Variants in MTSS2 observed in about 807,000 individuals in gnomAD.
The protein encoded by MTSS2 is protein MTSS 2.
A neutral mutation model predicts 67.1 loss-of-function variants in MTSS2; 27 were observed. The ratio of observed to expected loss-of-function variants is 0.40; its 90% confidence interval spans 0.30 to 0.55. The LOEUF is 0.55. MTSS2 is among the 20% of genes least tolerant of loss of function. MTSS2 has a pLI of 0.43. For synonymous variants in MTSS2, 624 were observed against 468.6 expected (o/e 1.33, Z -4.28); for missense variants, 1,171 against 1,067.8 (o/e 1.10, Z -1.35).
intron 3 of MTSS2, among the ~76,000 whole-genome samples, chr16:70,680,448 GC>G (rs148407908): frequency 0.019 from 2,853 of 152,324 alleles, 26 homozygotes; most frequent in South Asian, 0.039. Flanking sequence ...GCGGCGCCAA[GC>G]CCAACGGCGC....
intron 13 of MTSS2, 55 bp downstream of exon 13, chr16:70,664,865 T>G: frequency 6.6e-7 from 1 of 1,513,080 alleles, no homozygotes; most frequent in Non-Finnish European, 8.9e-7. Flanking sequence ...CTGAGGCCAC[T>G]GGCTGGGCCT....
At chr16:70,665,699 C>T (rs76368023) in intron 11 of MTSS2, 159 bp from the exon 12 acceptor site, 34,868 of 600,312 alleles carry the variant, frequency 0.058, 1,160 homozygotes, top group East Asian at 0.098. Flanking sequence ...GGGCCACGGC[C>T]GCTGAGTGTC....
chr16:70,674,590 G>C, intron 10 of MTSS2, 62 bp from the exon 11 acceptor site: 1 of 1,475,716 alleles, frequency 6.8e-7, no homozygotes, highest in South Asian at 1.2e-5. Flanking sequence ...TGTGTGTTTG[G>C]GGGAGGTTGA....
In MTSS2 at chr16:70,661,297, T is replaced by TGGAG. The variant is rs2151894178; in HGVS notation, c.*2376_*2379dup. The TGGAG allele has an allele frequency of 2.3e-6, 1 of 430,034 alleles. No homozygotes were observed. The highest frequency in any genetic ancestry group is 2.4e-5 in the African/African-American group (1 of 42,374). The allele number at this position is 430,034 out of a possible 1,614,324, so 26.6% of individuals were successfully genotyped here. ...TATATTTAAATCGGGGAGGATGGTGTGGAGGGGGCGGGGAGGAGAGGAGAA... is the reference window on the plus strand; with the variant it reads ...TATATTTAAATCGGGGAGGATGGTGTGGAGGGAGGGGGCGGGGAGGAGAGGAGAA... On this transcript the variant is annotated 3_prime_UTR_variant, in exon 15 of 15. Coordinates refer to ENST00000338779, the MANE Select transcript of MTSS2 (RefSeq NM_138383.3).
intron 1 of MTSS2, among the ~76,000 whole-genome samples, chr16:70,682,912 C>T (rs1006207152): frequency 2.0e-5 from 3 of 151,510 alleles, no homozygotes; most frequent in Admixed American, 6.5e-5. Context: ...CACAGGGTGG[C>T]GGGGTCAGGA....
Position 70,672,582 on chromosome 16 carries a change from T to C in MTSS2, c.1053+1724A>G, listed in dbSNP as rs1266235407. ...TTCTGGGAAGAGTATATGGGAACTC[T>C]ACATATTTTACAACTTTTCTACAAG... On this transcript the variant is annotated intron_variant, in intron 11 of 14. Transcript: ENST00000338779. Among the ~76,000 whole-genome samples the C allele has an allele frequency of 2.0e-5, 3 of 149,680 alleles. No homozygotes were observed. In the East Asian group the frequency reaches 5.9e-4, roughly 30 times the overall value.
rs752126397 is a variant in MTSS2 at position 70,681,040 on chromosome 16, G to C, written c.70-15C>G. The C allele has an allele frequency of 6.2e-7, 1 of 1,605,164 alleles. No individual in the cohort carries two copies. The highest frequency in any genetic ancestry group is 1.7e-5 in the Admixed American group (1 of 58,782). On this transcript the variant is annotated splice_polypyrimidine_tract_variant and intron_variant, in intron 1 of 14. Transcript: ENST00000338779. ...GGGTAGGAGCTCTGCCGGGCAAATG[G>C]GAGAGAAAGTGAGCTTCTTGTGGGG...
intron 11 of MTSS2, 59 bp from the exon 12 acceptor site, chr16:70,665,599 G>A (rs759910493): frequency 1.2e-4 from 172 of 1,444,694 alleles, no homozygotes; most frequent in Middle Eastern, 3.5e-4. Flanking sequence ...CAGCAAGGAG[G>A]AGAGGAGAGA....
At position 70,663,455 on chromosome 16, in the gene MTSS2, A is replaced by C. The variant is rs374076524; in HGVS notation, c.*222T>G. On this transcript the variant is annotated 3_prime_UTR_variant, in exon 15 of 15. Coordinates refer to ENST00000338779, the MANE Select transcript of MTSS2 (RefSeq NM_138383.3). Reference sequence around the variant, plus strand: ...CCGAAGAGCATAAAACAGACCCCGAACCAGGCCCAGGCCTGCAGGCTCCGT... The same window carrying C: ...CCGAAGAGCATAAAACAGACCCCGACCCAGGCCCAGGCCTGCAGGCTCCGT... 6,988 of 812,008 alleles carry C rather than the reference A, an allele frequency of 8.6e-3. 47 individuals carry two copies. Among genetic ancestry groups the C allele is most frequent in the Non-Finnish European group, 0.011 (5,859 of 547,406 alleles). The allele number at this position is 812,008 out of a possible 1,614,324, so 50.3% of individuals were successfully genotyped here.
In MTSS2 at chr16:70,664,735, C is replaced by G; in HGVS notation, c.1334G>C (p.Ser445Thr). 1 of 1,612,676 alleles carries G rather than the reference C, an allele frequency of 6.2e-7. No homozygotes were observed. The highest frequency in any genetic ancestry group is 8.5e-7 in the Non-Finnish European group (1 of 1,179,620). Residue 445 changes from serine to threonine, a missense_variant, in exon 14 of 15, where the codon AGT (serine) becomes ACT (threonine). Physicochemically the swap from Ser to Thr is moderately conservative, Grantham distance 58. Around this residue, in one of 2 missense-constraint regions of MTSS2, gnomAD observed 924 missense variants for 756.0 expected, o/e 1.22. Transcript: ENST00000338779. The part of the protein sequence containing the change: ...KHGEEVSPAA[S>T]DLAMVLTRGL... The stretch of plus-strand genomic sequence containing the variant: ...CCGCGTCAGCACCATGGCCAGGTCA[C>G]TGGCGGCGGGGGACACCTCCTCACC...
chr16:70,672,200 A>G (rs2052959885), intron 11 of MTSS2, among the ~76,000 whole-genome samples: 1 of 152,196 alleles, frequency 6.6e-6, no homozygotes, highest in South Asian at 2.1e-4. Context: ...ACAAAAAGTT[A>G]GCTGGGCATG....
intron 11 of MTSS2, among the ~76,000 whole-genome samples, chr16:70,673,633 G>T (rs1335011146): frequency 6.6e-6 from 1 of 151,964 alleles, no homozygotes. Context: ...AAAATGACAA[G>T]AAATGTGTAT....
At position 70,685,770 on chromosome 16, in the gene MTSS2, A is replaced by G; in HGVS notation, c.22T>C (p.Cys8Arg). The G allele has an allele frequency of 7.2e-7, 1 of 1,380,814 alleles. No homozygotes were observed. Among genetic ancestry groups the G allele is most frequent in the South Asian group, 1.3e-5 (1 of 75,506 alleles). 85.5% of individuals were successfully genotyped at this position (1,380,814 alleles called of 1,614,324 possible). A position where few individuals can be genotyped will look rare whatever the true frequency, so the allele number is the denominator to read the frequency against. The change falls in exon 1 of 15, where the codon TGC becomes CGC. Residue 8 changes from cysteine to arginine, a missense_variant. By Grantham distance (180) the Cys-to-Arg change is radical. Around this residue, in one of 2 missense-constraint regions of MTSS2, gnomAD observed 247 missense variants for 311.8 expected, o/e 0.79. Transcript: ENST00000338779. ...TGGAAGAGCCCGCCCAGGGCGCCGC[A>G]CTCCTTCTCCGCCGTCTCCATGCTC... METAEKE[C>R]GALGGLFQAI...
chr16:70,667,497 G>A (rs7195565), intron 11 of MTSS2, among the ~76,000 whole-genome samples: 90,649 of 151,812 alleles, frequency 0.6, 27,146 homozygotes, highest in African/African-American at 0.62. Context: ...TAAAACATCA[G>A]TGTAATTTAC....
chr16:70,665,183 T>C, intron 12 of MTSS2, 87 bp from the exon 13 acceptor site: 4 of 1,427,638 alleles, frequency 2.8e-6, no homozygotes, highest in Non-Finnish European at 3.7e-6. Context: ...AGGCTCAGGG[T>C]GTCCAGGGCT....
chr16:70,671,104 G>C (rs1187876414), intron 11 of MTSS2, among the ~76,000 whole-genome samples: 1 of 151,626 alleles, frequency 6.6e-6, no homozygotes, highest in Non-Finnish European at 1.5e-5. Context: ...TTCTCGGTGT[G>C]TTTAGAATAC....
chr16:70,665,250 TG>T (rs2052666625), intron 12 of MTSS2, 154 bp from the exon 13 acceptor site: 1 of 989,138 alleles, frequency 1.0e-6, no homozygotes, highest in Admixed American at 2.8e-5. Flanking sequence ...AGTGTGACTG[TG>T]GCCCCTCAGT....
chr16:70,665,132 G>A, intron 12 of MTSS2, 36 bp from the exon 13 acceptor site: 1 of 1,566,584 alleles, frequency 6.4e-7, no homozygotes, highest in Non-Finnish European at 8.6e-7. Context: ...GGGGACCACT[G>A]GCCCTACCAC....
At chr16:70,677,932 T>C in intron 8 of MTSS2, 33 bp from the exon 9 acceptor site, 1 of 1,487,444 alleles carries the variant, frequency 6.7e-7, no homozygotes, top group Non-Finnish European at 9.1e-7. Flanking sequence ...CTGCTGGCCC[T>C]ATCGCCCACC....
Sources: allele counts gnomAD v4.1 joint callset (sites outside exome capture counted in the v4.1 genomes callset), GRCh38; gene constraint gnomAD v4.1.1; regional missense constraint gnomAD v4.1.1; transcripts MANE v1.5; gene names NCBI Gene and HGNC (gene_info 2026-07-23, HGNC 2026-07-21).